The following EFCAB8 variants were observed in gnomAD, a reference collection of about 807,000 sequenced individuals.
The protein encoded by EFCAB8 is EF-hand calcium-binding domain-containing protein 8.
In EFCAB8, 100 loss-of-function variants were observed where a neutral mutation model predicts 116.3. That is an observed-to-expected ratio of 0.86 (90% CI 0.73 to 1.02). The LOEUF (loss-of-function observed/expected upper bound fraction) is 1.02. Among genes scored for constraint, EFCAB8 ranks in the 50% least tolerant of loss-of-function variants. The probability of loss-of-function intolerance (pLI) is 0.00; values close to 1 mark genes in which losing one functional copy is unlikely to be tolerated. For synonymous variants in EFCAB8, 558 were observed against 567.9 expected, an observed-to-expected ratio of 0.98 and a Z score of 0.25; for missense variants, 1,320 against 1,416.9, an observed-to-expected ratio of 0.93 and a Z score of 1.10.
chr20:32,911,624 G>A lies in EFCAB8; in HGVS notation c.1702G>A (p.Gly568Ser). ...TGAGTCAGAGCGGTGCCTGCTCACA[G>A]GTTTGCGGGATGGCACAATGAAGAT... ...LDESERCLLT[G>S]LRDGTMKMWN... The change falls in exon 16 of 27, where the codon GGT (glycine) becomes AGT (serine). Residue 568 changes from glycine to serine, a missense_variant. By Grantham distance (56) the Gly-to-Ser change is moderately conservative. Transcript: ENST00000400522. The A allele has an allele frequency of 6.4e-7, 1 of 1,551,742 alleles. No individual in the cohort carries two copies. The highest frequency in any genetic ancestry group is 1.2e-5 in the South Asian group (1 of 84,060).
chr20:32,915,355 C>T (rs1053617992), intron 17 of EFCAB8, among the ~76,000 whole-genome samples: 2 of 152,218 alleles, frequency 1.3e-5, no homozygotes, highest in African/African-American at 4.8e-5. Context: ...GCAAGTTCTA[C>T]CTGTCTCAAA....
intron 5 of EFCAB8, 79 bp from the exon 6 acceptor site, chr20:32,885,426 G>A (rs1009217899): frequency 6.6e-7 from 1 of 1,523,838 alleles, no homozygotes; most frequent in Non-Finnish European, 8.8e-7. Context: ...CCTCCTCGGT[G>A]GCTCTCTGTT....
intron 17 of EFCAB8, among the ~76,000 whole-genome samples, chr20:32,913,464 T>C (rs1184290994): frequency 6.6e-6 from 1 of 152,212 alleles, no homozygotes; most frequent in South Asian, 2.1e-4. Flanking sequence ...TTTCAATATA[T>C]GAATTTTGGG....
At chr20:32,941,034 A>T (rs1988392305) in intron 22 of EFCAB8, among the ~76,000 whole-genome samples, 2 of 149,282 alleles carry the variant, frequency 1.3e-5, no homozygotes, top group Admixed American at 6.7e-5. Flanking sequence ...TGGGCGGATT[A>T]TGAGGTCAGG....
intron 5 of EFCAB8, among the ~76,000 whole-genome samples, chr20:32,882,506 T>C (rs1985394412): frequency 1.3e-5 from 2 of 152,068 alleles, no homozygotes; most frequent in Non-Finnish European, 2.9e-5. Context: ...CCATTTCCAT[T>C]TTATTGTATT....
At chr20:32,879,530 A>C (rs1165180020) in intron 5 of EFCAB8, among the ~76,000 whole-genome samples, 2 of 152,168 alleles carry the variant, frequency 1.3e-5, no homozygotes, top group African/African-American at 4.8e-5. Flanking sequence ...CAAGCATACA[A>C]GTTTATTTAA....
chr20:32,902,837 A>T (rs1214095001), intron 11 of EFCAB8, among the ~76,000 whole-genome samples: 3 of 152,124 alleles, frequency 2.0e-5, no homozygotes, highest in African/African-American at 7.2e-5. Flanking sequence ...GCCTCACCTG[A>T]GTTCTCAGAT....
At chr20:32,933,658 A>G (rs1440986883) in intron 22 of EFCAB8, among the ~76,000 whole-genome samples, 1 of 151,980 alleles carries the variant, frequency 6.6e-6, no homozygotes, top group African/African-American at 2.4e-5. Context: ...TCTGGTAACC[A>G]TCATTCTCCT....
chr20:32,924,168 C>T (rs6119307), intron 20 of EFCAB8, among the ~76,000 whole-genome samples: 2 of 152,192 alleles, frequency 1.3e-5, no homozygotes, highest in Admixed American at 6.5e-5. Context: ...ATTCTCCCAC[C>T]TCAGCCTTCT....
At chr20:32,923,492 A>ACAC (rs1424628920) in intron 20 of EFCAB8, among the ~76,000 whole-genome samples, 1 of 151,976 alleles carries the variant, frequency 6.6e-6, no homozygotes, top group African/African-American at 2.4e-5. Flanking sequence ...CTCCAAAACA[A>ACAC]CACCACCACC....
At position 32,960,177 on chromosome 20, in the gene EFCAB8, G is replaced by A. The variant is rs1332381833; in HGVS notation, c.3393+16G>A. 1.9e-6 allele frequency: 3 copies of A among 1,550,494 alleles called. No individual in the cohort carries two copies. The highest frequency in any genetic ancestry group is 2.0e-5 in the Admixed American group (1 of 51,008). ...GAAGCATCAGGTAAGGTGGGATGGG[G>A]CAGCTCCCCAAGAGGCTGGGTCAGG... On this transcript the variant is annotated intron_variant, in intron 26 of 26. Coordinates refer to ENST00000400522, the MANE Select transcript of EFCAB8 (RefSeq NM_001143967.2).
chr20:32,931,343 G>A lies in EFCAB8; in HGVS notation c.2790+7G>A. ...TCCCTTGGAGGATAAAGAGGTAGGA[G>A]GATTACTGGAGAGTTGCTCAGGAAA... On this transcript the variant is annotated splice_region_variant and intron_variant, in intron 22 of 26. Transcript: ENST00000400522. 1 of 1,532,934 alleles carries A rather than the reference G, an allele frequency of 6.5e-7. No individual in the cohort carries two copies. Among genetic ancestry groups the A allele is most frequent in the South Asian group, 1.3e-5 (1 of 79,804 alleles). The allele number at this position is 1,532,934 out of a possible 1,614,324, so 95.0% of individuals were successfully genotyped here.
chr20:32,896,725 T>C (rs1229742382), intron 10 of EFCAB8, among the ~76,000 whole-genome samples, 198 bp downstream of exon 10: 1 of 152,202 alleles, frequency 6.6e-6, no homozygotes, highest in African/African-American at 2.4e-5. Flanking sequence ...CATGCCCCTC[T>C]CACTACCGCC....
At chr20:32,957,160 T>C (rs1032656918) in intron 23 of EFCAB8, among the ~76,000 whole-genome samples, 1 of 152,066 alleles carries the variant, frequency 6.6e-6, no homozygotes, top group Non-Finnish European at 1.5e-5. Flanking sequence ...TATTCAATTT[T>C]CCTTAATTTT....
At chr20:32,895,571 C>CT (rs202111336) in intron 9 of EFCAB8, among the ~76,000 whole-genome samples, 12,020 of 137,782 alleles carry the variant, frequency 0.087, 617 homozygotes, top group Non-Finnish European at 0.11. Flanking sequence ...TTCTTTCTTT[C>CT]TTTCTTTTTT....
At chr20:32,908,996 G>T (rs193135114) in intron 14 of EFCAB8, among the ~76,000 whole-genome samples, 184 of 152,322 alleles carry the variant, frequency 1.2e-3, no homozygotes, top group African/African-American at 4.3e-3. Context: ...GAGGATGGGG[G>T]TAAGGGGGCC....
chr20:32,931,145 G>T (rs1987892835), intron 21 of EFCAB8, 33 bp from the exon 22 acceptor site: 1 of 1,502,284 alleles, frequency 6.7e-7, no homozygotes, highest in Non-Finnish European at 8.9e-7. Context: ...GGGTCAAGGG[G>T]TGTGAGGCCA....
intron 23 of EFCAB8, among the ~76,000 whole-genome samples, chr20:32,947,621 C>A (rs1384303896): frequency 1.3e-5 from 2 of 151,680 alleles, no homozygotes; most frequent in Non-Finnish European, 2.9e-5. Context: ...AAAAAGAAAT[C>A]CAGAGGGAAA....
intron 23 of EFCAB8, among the ~76,000 whole-genome samples, chr20:32,955,703 A>G (rs1017648051): frequency 6.6e-6 from 1 of 152,166 alleles, no homozygotes; most frequent in Non-Finnish European, 1.5e-5. Context: ...CAGCAAGCAT[A>G]TATCTTCTGT....
Sources: allele counts gnomAD v4.1 joint callset (sites outside exome capture counted in the v4.1 genomes callset), GRCh38; gene constraint gnomAD v4.1.1; transcripts MANE v1.5; gene names NCBI Gene and HGNC (gene_info 2026-07-23, HGNC 2026-07-21).